Variants in TPCN2 observed in about 807,000 individuals in gnomAD.
TPCN2 encodes the protein two pore channel protein 2.
TPCN2 carries 92 observed loss-of-function variants against 111.4 expected under a neutral mutation model. The observed-to-expected ratio is 0.83, with a 90% CI of 0.70 to 0.98. The LOEUF is 0.98. Ranked by LOEUF, TPCN2 falls within the 50% of genes least tolerant of loss-of-function variation. The probability of loss-of-function intolerance (pLI) is 0.00; values close to 1 mark genes in which losing one functional copy is unlikely to be tolerated. For synonymous variants in TPCN2, 405 were observed against 414.5 expected (o/e 0.98, Z 0.28); for missense variants, 995 against 980.1 (o/e 1.02, Z -0.20).
At chr11:69,075,177 C>T (rs1347595834) in intron 13 of TPCN2, among the ~76,000 whole-genome samples, 5 of 152,098 alleles carry the variant, frequency 3.3e-5, no homozygotes, top group Non-Finnish European at 7.4e-5. Flanking sequence ...AGTTTAGGTT[C>T]CACAGGTTTT....
intron 5 of TPCN2, 117 bp from the exon 6 acceptor site, chr11:69,062,764 GTGA>G (rs1855079247): frequency 1.1e-6 from 1 of 893,912 alleles, no homozygotes; most frequent in Non-Finnish European, 1.8e-6. Context: ...TTTGGGCTCA[GTGA>G]CTCTGGAGTG....
intron 5 of TPCN2, among the ~76,000 whole-genome samples, chr11:69,058,406 G>A (rs938427534): frequency 6.6e-6 from 1 of 152,112 alleles, no homozygotes; most frequent in Non-Finnish European, 1.5e-5. Flanking sequence ...AGCACCTGGA[G>A]GCCCAAGGGA....
chr11:69,086,052 G>A, intron 22 of TPCN2, 122 bp downstream of exon 22: 1 of 968,890 alleles, frequency 1.0e-6, no homozygotes, highest in Non-Finnish European at 1.6e-6. Context: ...CTCGGGCCTT[G>A]ACAGGGAAGT....
intron 5 of TPCN2, among the ~76,000 whole-genome samples, chr11:69,058,897 A>G (rs1327939474): frequency 2.6e-5 from 4 of 152,260 alleles, no homozygotes; most frequent in Non-Finnish European, 5.9e-5. Context: ...TGTAACTTAC[A>G]GGCTAAATTG....
chr11:69,087,384 T>G (rs903624484), intron 24 of TPCN2, among the ~76,000 whole-genome samples, 178 bp downstream of exon 24: 4 of 152,154 alleles, frequency 2.6e-5, no homozygotes, highest in South Asian at 2.1e-4. Flanking sequence ...CGGGGCGGCT[T>G]CTTCTTCCTG....
chr11:69,071,449 C>T (rs749754731), intron 10 of TPCN2, 29 bp downstream of exon 10: 5 of 1,602,238 alleles, frequency 3.1e-6, no homozygotes, highest in East Asian at 4.5e-5. Flanking sequence ...GCTGGCTGTG[C>T]CTGGAGCTGC....
chr11:69,076,444 C>A (rs1855752386), intron 13 of TPCN2, among the ~76,000 whole-genome samples: 1 of 152,050 alleles, frequency 6.6e-6, no homozygotes, highest in Non-Finnish European at 1.5e-5. Context: ...GGCTGTAGGT[C>A]CCCTGGGGAC....
chr11:69,082,277 A>G (rs1856047058), intron 18 of TPCN2, among the ~76,000 whole-genome samples: 1 of 152,252 alleles, frequency 6.6e-6, no homozygotes, highest in Admixed American at 6.5e-5. Context: ...AATACAGCCA[A>G]GCACACGTGA....
chr11:69,057,979 T>A (rs1312733187), intron 5 of TPCN2, among the ~76,000 whole-genome samples: 1 of 152,172 alleles, frequency 6.6e-6, no homozygotes, highest in Non-Finnish European at 1.5e-5. Flanking sequence ...GCCTCCCGGC[T>A]CTCCGCTCTC....
At chr11:69,081,804 C>G (rs1856023703) in intron 18 of TPCN2, among the ~76,000 whole-genome samples, 1 of 152,138 alleles carries the variant, frequency 6.6e-6, no homozygotes, top group South Asian at 2.1e-4. Flanking sequence ...AGTGCTCCCC[C>G]AGGTCTCTGA....
intron 17 of TPCN2, among the ~76,000 whole-genome samples, chr11:69,080,672 G>A (rs1007869070): frequency 6.6e-6 from 1 of 152,194 alleles, no homozygotes; most frequent in African/African-American, 2.4e-5. Context: ...GGGTGGGGAC[G>A]GTGGACAGCA....
At chr11:69,071,107 CCCCACCAACAG>C in intron 9 of TPCN2, among the ~76,000 whole-genome samples, 1 of 70,868 alleles carries the variant, frequency 1.4e-5, no homozygotes, top group African/African-American at 4.5e-5. Context: ...CCCAGGGATC[CCCCACCAACAG>C]CTTCACCCCA....
intron 23 of TPCN2, 152 bp downstream of exon 23, chr11:69,086,756 C>A (rs975610069): frequency 2.7e-6 from 2 of 734,734 alleles, no homozygotes; most frequent in South Asian, 1.7e-5. Flanking sequence ...GAGCCCCTCC[C>A]GTGGGGCTCA....
chr11:69,082,898 C>T (rs1406787222), intron 18 of TPCN2, among the ~76,000 whole-genome samples: 2 of 150,080 alleles, frequency 1.3e-5, no homozygotes, highest in African/African-American at 2.5e-5. Context: ...GCACACATCG[C>T]GTGCAGATAT....
In TPCN2 at chr11:69,072,701, T is replaced by C; in HGVS notation, c.1136T>C (p.Met379Thr). 6.2e-7 allele frequency: 1 copy of C among 1,613,716 alleles called. No individual in the cohort carries two copies. The highest frequency in any genetic ancestry group is 8.5e-7 in the Non-Finnish European group (1 of 1,180,002). The change falls in exon 12 of 25, where the codon ATG (methionine) becomes ACG (threonine). Residue 379 changes from methionine (M) to threonine (T), a missense_variant. Coordinates refer to ENST00000294309, the MANE Select transcript of TPCN2 (RefSeq NM_139075.4). ...CTGGACAGCTCCCACAAACAGGCCATGATGGAGGTACCCGCCCCCTGCTCC... is the reference window on the plus strand; with the variant it reads ...CTGGACAGCTCCCACAAACAGGCCACGATGGAGGTACCCGCCCCCTGCTCC... Reference protein sequence around the residue: ...VQLDSSHKQAMMEKVRSYGSV... With the variant: ...VQLDSSHKQATMEKVRSYGSV...
At chr11:69,052,164 C>T (rs769583034) in intron 1 of TPCN2, among the ~76,000 whole-genome samples, 4 of 152,134 alleles carry the variant, frequency 2.6e-5, no homozygotes, top group Non-Finnish European at 4.4e-5. Context: ...GATGTGAGTA[C>T]TTTCCGTGGT....
In TPCN2 at chr11:69,090,558, C is replaced by T. The variant is rs1300468021; in HGVS notation, c.*2605C>T. On this transcript the variant is annotated 3_prime_UTR_variant, in exon 25 of 25. Transcript: ENST00000294309. ...AATCTACATGCTGCTGAGGGTCCTG[C>T]CTCATTAAGATGCAATAAATATGTA... 6.6e-6 allele frequency: 1 copy of T among 152,186 alleles called. No individual in the cohort carries two copies. Among genetic ancestry groups the T allele is most frequent in the Admixed American group, 6.5e-5 (1 of 15,282 alleles). The allele number at this position is 152,186 out of a possible 1,614,324, so 9.4% of individuals were successfully genotyped here.
rs558767426 is a variant in TPCN2 at position 69,054,902 on chromosome 11, C to T, written c.251+105C>T. The stretch of plus-strand genomic sequence containing the variant: ...CTGGTCTCAGGGTCCAGGCAGGCTC[C>T]CCACTACATAGATAGGGCGGTTACC... On this transcript the variant is annotated intron_variant, in intron 3 of 24. Coordinates refer to ENST00000294309, the MANE Select transcript of TPCN2 (RefSeq NM_139075.4). 79 of 1,179,540 alleles carry T rather than the reference C, an allele frequency of 6.7e-5. No homozygotes were observed. The African/African-American group carries it at 1.1e-3, about 16-fold the overall frequency. The allele number at this position is 1,179,540 out of a possible 1,614,324, so 73.1% of individuals were successfully genotyped here.
chr11:69,067,381 C>G (rs1855318144), intron 7 of TPCN2, 122 bp from the exon 8 acceptor site: 2 of 872,514 alleles, frequency 2.3e-6, no homozygotes, highest in East Asian at 2.4e-5. Context: ...TGCTGGGAGG[C>G]CACAGGGAGA....
Sources: allele counts gnomAD v4.1 joint callset (sites outside exome capture counted in the v4.1 genomes callset), GRCh38; gene constraint gnomAD v4.1.1; transcripts MANE v1.5; gene names NCBI Gene and HGNC (gene_info 2026-07-23, HGNC 2026-07-21).